EPHA6: variants seen among roughly 807,000 people sequenced by gnomAD.
EPHA6 encodes ephrin type-A receptor 6.
Under a neutral mutation model 112.0 loss-of-function variants are expected in EPHA6, and 50 were observed. That is an observed-to-expected ratio of 0.45 (90% CI 0.36 to 0.56). EPHA6 has a LOEUF of 0.56. EPHA6 is among the 20% of genes least tolerant of loss of function. The pLI is 0.00. For missense variants in EPHA6, 1,280 were observed against 1,417.4 expected, an observed-to-expected ratio of 0.90 and a Z score of 1.56; for synonymous variants, 529 against 490.7, an observed-to-expected ratio of 1.08 and a Z score of -1.03.
intron 14 of EPHA6, among the ~76,000 whole-genome samples, chr3:97,701,862 G>T (rs1490805168): frequency 6.6e-6 from 1 of 152,076 alleles, no homozygotes; most frequent in Non-Finnish European, 1.5e-5. Flanking sequence ...TAGGAACAAT[G>T]TATAGTGATT....
At chr3:97,520,273 G>A (rs1297400923) in intron 10 of EPHA6, among the ~76,000 whole-genome samples, 2 of 152,108 alleles carry the variant, frequency 1.3e-5, no homozygotes, top group Non-Finnish European at 2.9e-5. Context: ...AGCTGTAGTG[G>A]TAGTAATTGA....
chr3:97,131,642 A>C (rs1346756685), intron 3 of EPHA6, among the ~76,000 whole-genome samples: 1 of 152,176 alleles, frequency 6.6e-6, no homozygotes, highest in Non-Finnish European at 1.5e-5. Context: ...ATGGCTAAAA[A>C]TGACCCAGAT....
intron 5 of EPHA6, among the ~76,000 whole-genome samples, chr3:97,261,459 T>C (rs1004090714): frequency 2.6e-5 from 4 of 152,192 alleles, no homozygotes; most frequent in African/African-American, 9.6e-5. Flanking sequence ...TGTGCTAAAA[T>C]GAACAATTAC....
chr3:97,507,842 G>A (rs1206919848), intron 10 of EPHA6, among the ~76,000 whole-genome samples: 1 of 152,078 alleles, frequency 6.6e-6, no homozygotes, highest in African/African-American at 2.4e-5. Flanking sequence ...TTCAGAACTT[G>A]TTATTGATCT....
At chr3:97,355,505 C>A (rs1577072178) in intron 5 of EPHA6, among the ~76,000 whole-genome samples, 1 of 151,620 alleles carries the variant, frequency 6.6e-6, no homozygotes, top group African/African-American at 2.4e-5. Context: ...CTCATGATAA[C>A]CCCAAGTCAA....
intron 12 of EPHA6, among the ~76,000 whole-genome samples, chr3:97,593,616 C>T (rs2093563808): frequency 6.6e-6 from 1 of 152,168 alleles, no homozygotes; most frequent in Non-Finnish European, 1.5e-5. Context: ...AATGGGAACA[C>T]TTCAAAAGAC....
rs375887813 is a variant in EPHA6, at chr3:97,702,685, G to A, written c.2785-17576G>A. ...TTTCTCTTATTATCATCATACCAGC[G>A]TAACCACTGGTACTTTTAGCAGGTA... On this transcript the variant is annotated intron_variant, in intron 14 of 17. Coordinates refer to ENST00000389672, the MANE Select transcript of EPHA6 (RefSeq NM_001080448.3). Among the ~76,000 whole-genome samples the A allele has an allele frequency of 3.0e-4, 46 of 152,158 alleles. 1 individual carries two copies. The East Asian group carries it at 7.5e-3, about 25-fold the overall frequency.
In EPHA6 at chr3:96,940,634, T is replaced by C. The variant is rs537422052; in HGVS notation, c.451-46696T>C. 8.3e-4 allele frequency among the ~76,000 whole-genome samples: 126 copies of C among 152,326 alleles called. 1 individual carries two copies. The highest frequency in any genetic ancestry group is 2.9e-3 in the African/African-American group (122 of 41,574). On this transcript the variant is annotated intron_variant, in intron 2 of 17. Coordinates refer to ENST00000389672, the MANE Select transcript of EPHA6 (RefSeq NM_001080448.3). ...ATATTGTTATGTGTGAATTTGATCC[T>C]GTCATTATGATGTTAGCTGGTTATT...
Position 97,499,200 on chromosome 3 carries a change from G to A in EPHA6, c.2200+15141G>A, listed in dbSNP as rs185135111. Among the ~76,000 whole-genome samples the A allele has an allele frequency of 1.3e-3, 190 of 150,194 alleles. 3 individuals carry two copies. The highest frequency in any genetic ancestry group is 4.6e-3 in the African/African-American group (182 of 39,716). ...GTGGCAATGATTTTTACCTGATTCT[G>A]TTTTTTAATTATGAATTAAACGTTA... On this transcript the variant is annotated intron_variant, in intron 10 of 17. Transcript: ENST00000389672.
intron 10 of EPHA6, among the ~76,000 whole-genome samples, chr3:97,493,483 T>A (rs1404792211): frequency 3.9e-5 from 6 of 152,150 alleles, no homozygotes; most frequent in East Asian, 1.9e-4. Context: ...TCGTATAAGA[T>A]CACAGTCTTT....
intron 14 of EPHA6, among the ~76,000 whole-genome samples, chr3:97,694,743 A>G (rs2032917870): frequency 6.6e-6 from 1 of 152,226 alleles, no homozygotes; most frequent in Non-Finnish European, 1.5e-5. Context: ...ATAGTGTCAG[A>G]GTTGTGGATA....
At chr3:97,118,176 A>G (rs979212358) in intron 3 of EPHA6, among the ~76,000 whole-genome samples, 3 of 151,858 alleles carry the variant, frequency 2.0e-5, no homozygotes, top group Non-Finnish European at 2.9e-5. Context: ...AGATTATTTC[A>G]AAGTCTCCTG....
chr3:96,829,813 G>C (rs1309381556), intron 1 of EPHA6, among the ~76,000 whole-genome samples: 7 of 152,042 alleles, frequency 4.6e-5, no homozygotes, highest in African/African-American at 1.7e-4. Context: ...GAAATATATT[G>C]AGTTACTGAA....
At chr3:96,829,949 G>GCGCGCGCGCGCGCGCA (rs373416797) in intron 1 of EPHA6, among the ~76,000 whole-genome samples, 2 of 136,034 alleles carry the variant, frequency 1.5e-5, no homozygotes, top group African/African-American at 6.0e-5. Context: ...GCGCGCGCGC[G>GCGCGCGCGCGCGCGCA]CACACACACA....
At chr3:97,018,932 A>G (rs1264213843) in intron 3 of EPHA6, among the ~76,000 whole-genome samples, 1 of 152,188 alleles carries the variant, frequency 6.6e-6, no homozygotes, top group African/African-American at 2.4e-5. Context: ...CGCTAGAGCA[A>G]GGAGCCCTCT....
At chr3:97,698,399 T>C (rs1213372420) in intron 14 of EPHA6, among the ~76,000 whole-genome samples, 1 of 152,062 alleles carries the variant, frequency 6.6e-6, no homozygotes, top group East Asian at 1.9e-4. Context: ...AATCTATTTC[T>C]TGAATTAAAG....
At chr3:97,705,557 A>G (rs575293849) in intron 14 of EPHA6, among the ~76,000 whole-genome samples, 2 of 152,336 alleles carry the variant, frequency 1.3e-5, no homozygotes, top group African/African-American at 4.8e-5. Flanking sequence ...ACATCAAAGA[A>G]CCAAGCAAAC....
intron 14 of EPHA6, among the ~76,000 whole-genome samples, chr3:97,697,774 A>G (rs1175890558): frequency 6.6e-6 from 1 of 152,070 alleles, no homozygotes; most frequent in Non-Finnish European, 1.5e-5. Context: ...CAATCATTTT[A>G]TGTCAATCTG....
intron 5 of EPHA6, among the ~76,000 whole-genome samples, chr3:97,298,744 A>C (rs1362485177): frequency 6.6e-6 from 1 of 152,138 alleles, no homozygotes; most frequent in African/African-American, 2.4e-5. Context: ...AATAATTCAC[A>C]CACATATATA....
Sources: allele counts gnomAD v4.1 joint callset (sites outside exome capture counted in the v4.1 genomes callset), GRCh38; gene constraint gnomAD v4.1.1; transcripts MANE v1.5; gene names NCBI Gene and HGNC (gene_info 2026-07-23, HGNC 2026-07-21).